Variants in CTIF observed in about 807,000 individuals in gnomAD.
CTIF encodes the protein cap binding complex dependent translation initiation factor.
CTIF carries 21 observed loss-of-function variants against 66.0 expected under a neutral mutation model. The observed-to-expected ratio is 0.32, with a 90% CI of 0.23 to 0.46. The LOEUF (loss-of-function observed/expected upper bound fraction) is 0.46, where lower values mean the gene tolerates loss of function less well. Ranked by LOEUF, CTIF falls within the 20% of genes least tolerant of loss-of-function variation. The probability of loss-of-function intolerance (pLI) is 1.00; values close to 1 mark genes in which losing one functional copy is unlikely to be tolerated. For synonymous variants in CTIF, 345 were observed against 326.4 expected, an observed-to-expected ratio of 1.06 and a Z score of -0.62; for missense variants, 739 against 812.7, an observed-to-expected ratio of 0.91 and a Z score of 1.10.
intron 1 of CTIF, among the ~76,000 whole-genome samples, chr18:48,598,541 G>T (rs918928052): frequency 6.6e-6 from 1 of 152,192 alleles, no homozygotes; most frequent in Non-Finnish European, 1.5e-5. Context: ...CTCATGGCAG[G>T]TATCATCTCT....
chr18:48,772,482 A>G (rs1298318311), intron 9 of CTIF, among the ~76,000 whole-genome samples: 1 of 151,496 alleles, frequency 6.6e-6, no homozygotes, highest in Non-Finnish European at 1.5e-5. Context: ...TAACTCCCCT[A>G]CAGCAATAAC....
At chr18:48,544,394 A>G (rs1416322847) in intron 1 of CTIF, among the ~76,000 whole-genome samples, 4 of 152,242 alleles carry the variant, frequency 2.6e-5, no homozygotes, top group Admixed American at 2.6e-4. Flanking sequence ...GCAGTAGAGC[A>G]GGGATATGAA....
chr18:48,556,668 G>A (rs1394943488), intron 1 of CTIF, among the ~76,000 whole-genome samples: 4 of 152,126 alleles, frequency 2.6e-5, no homozygotes, highest in Admixed American at 6.5e-5. Context: ...AGGTTCAAGC[G>A]ATTCTTGTGC....
intron 1 of CTIF, among the ~76,000 whole-genome samples, chr18:48,617,035 G>C (rs1048843698): frequency 6.6e-6 from 1 of 152,254 alleles, no homozygotes; most frequent in African/African-American, 2.4e-5. Context: ...TCATGAGACT[G>C]AAGTCAAGTT....
chr18:48,616,334 C>T (rs1015297221), intron 1 of CTIF, among the ~76,000 whole-genome samples: 1 of 152,220 alleles, frequency 6.6e-6, no homozygotes, highest in Non-Finnish European at 1.5e-5. Context: ...GGGCCAGGCA[C>T]GGAGCCTGCT....
intron 10 of CTIF, among the ~76,000 whole-genome samples, chr18:48,837,375 C>T (rs999592556): frequency 3.3e-5 from 5 of 152,064 alleles, no homozygotes; most frequent in African/African-American, 4.8e-5. Flanking sequence ...ACACCGAGAC[C>T]ACTGTTCATG....
intron 6 of CTIF, among the ~76,000 whole-genome samples, chr18:48,701,555 G>GGGGGCCCCC (rs1341375146): frequency 1.4e-4 from 13 of 89,832 alleles, no homozygotes; most frequent in Non-Finnish European, 2.4e-4. Context: ...TGCACACAGT[G>GGGGGCCCCC]CACTCCCTTC....
chr18:48,541,454 C>G (rs963629206), intron 1 of CTIF, among the ~76,000 whole-genome samples: 9 of 152,232 alleles, frequency 5.9e-5, no homozygotes, highest in Admixed American at 2.0e-4. Context: ...GCCGGCTGTC[C>G]GTTCCCAGTT....
Position 48,554,203 on chromosome 18 carries a change from G to A in CTIF, c.-29+14891G>A, listed in dbSNP as rs188157522. 5.9e-5 allele frequency among the ~76,000 whole-genome samples: 9 copies of A among 152,298 alleles called. No homozygotes were observed. In the East Asian group the frequency reaches 1.7e-3, roughly 29 times the overall value. On this transcript the variant is annotated intron_variant, in intron 1 of 11. Transcript: ENST00000256413. ...TTGTTGTGAGGTGCCTAGGGAGCTG[G>A]CAGGGCTAGTGCACTTCTTCCAATG...
chr18:48,793,650 C>T (rs908062433), intron 9 of CTIF, among the ~76,000 whole-genome samples: 1 of 152,216 alleles, frequency 6.6e-6, no homozygotes, highest in African/African-American at 2.4e-5. Context: ...TTCTCCTCCT[C>T]TCTTTTCTTA....
intron 7 of CTIF, among the ~76,000 whole-genome samples, chr18:48,747,046 CAT>C (rs2145789671): frequency 6.6e-6 from 1 of 152,246 alleles, no homozygotes; most frequent in African/African-American, 2.4e-5. Flanking sequence ...GGGCGGGAAC[CAT>C]ATGTTATGTT....
chr18:48,776,632 C>T (rs1485385331), intron 9 of CTIF, among the ~76,000 whole-genome samples: 1 of 152,250 alleles, frequency 6.6e-6, no homozygotes, highest in Admixed American at 6.5e-5. Context: ...TCAGGTCTCC[C>T]CAGCCAGGCA....
At chr18:48,833,991 C>T (rs2068751426) in intron 10 of CTIF, among the ~76,000 whole-genome samples, 1 of 152,150 alleles carries the variant, frequency 6.6e-6, no homozygotes, top group Non-Finnish European at 1.5e-5. Flanking sequence ...CAGAAGGGAC[C>T]CCAGCTCTTG....
At chr18:48,750,520 A>T (rs1341830403) in intron 7 of CTIF, among the ~76,000 whole-genome samples, 3 of 152,200 alleles carry the variant, frequency 2.0e-5, no homozygotes, top group Admixed American at 2.0e-4. Context: ...CCCGAAAAAC[A>T]ATCCCCGAGC....
intron 1 of CTIF, among the ~76,000 whole-genome samples, chr18:48,605,647 G>A (rs1483427306): frequency 6.6e-6 from 1 of 152,188 alleles, no homozygotes; most frequent in Non-Finnish European, 1.5e-5. Flanking sequence ...TGCCCCCTGT[G>A]GGCTCTCTGC....
chr18:48,729,260 A>C (rs1235757608), intron 7 of CTIF, among the ~76,000 whole-genome samples: 1 of 151,962 alleles, frequency 6.6e-6, no homozygotes, highest in Non-Finnish European at 1.5e-5. Context: ...CAAGATACAC[A>C]CCCACGTTCC....
At chr18:48,689,148 C>T (rs1304057596) in intron 6 of CTIF, among the ~76,000 whole-genome samples, 1 of 152,242 alleles carries the variant, frequency 6.6e-6, no homozygotes, top group Non-Finnish European at 1.5e-5. Context: ...CCCGCACTGG[C>T]AGTTGTACCC....
chr18:48,723,788 T>C (rs996786188), intron 7 of CTIF, among the ~76,000 whole-genome samples: 13 of 152,346 alleles, frequency 8.5e-5, no homozygotes, highest in Admixed American at 6.5e-4. Context: ...CCAAGAGTTA[T>C]TTCTGAGTCT....
chr18:48,844,774 G>T (rs939323551), intron 10 of CTIF, among the ~76,000 whole-genome samples: 1 of 152,204 alleles, frequency 6.6e-6, no homozygotes, highest in African/African-American at 2.4e-5. Flanking sequence ...AGGCAAGAGC[G>T]ATTAACATAA....
Sources: allele counts gnomAD v4.1 joint callset (sites outside exome capture counted in the v4.1 genomes callset), GRCh38; gene constraint gnomAD v4.1.1; transcripts MANE v1.5; gene names NCBI Gene and HGNC (gene_info 2026-07-23, HGNC 2026-07-21).